Variants in DCK observed in about 807,000 individuals in gnomAD.
DCK encodes deoxycytidine kinase.
Under a neutral mutation model 38.3 loss-of-function variants are expected in DCK, and 23 were observed. That is an observed-to-expected ratio of 0.60 (90% CI 0.43 to 0.85). The LOEUF (loss-of-function observed/expected upper bound fraction) is 0.85. Ranked by LOEUF, DCK falls within the 40% of genes least tolerant of loss-of-function variation. The probability of loss-of-function intolerance (pLI) is 0.00; values close to 1 mark genes in which losing one functional copy is unlikely to be tolerated. For synonymous variants in DCK, 108 were observed against 100.6 expected, an observed-to-expected ratio of 1.07 and a Z score of -0.44; for missense variants, 259 against 304.4, an observed-to-expected ratio of 0.85 and a Z score of 1.11.
At chr4:71,009,058 T>C (rs1047585640) in intron 2 of DCK, among the ~76,000 whole-genome samples, 1 of 152,180 alleles carries the variant, frequency 6.6e-6, no homozygotes, top group African/African-American at 2.4e-5. Context: ...TATAGCAAGG[T>C]AGAATGGAAA....
At chr4:71,018,321 G>T (rs1178274884) in intron 2 of DCK, among the ~76,000 whole-genome samples, 3 of 151,720 alleles carry the variant, frequency 2.0e-5, no homozygotes, top group Non-Finnish European at 4.4e-5. Context: ...GTAGAGACAG[G>T]GTTTCACCGT....
chr4:71,006,899 T>G (rs541903340), intron 2 of DCK, among the ~76,000 whole-genome samples: 15 of 151,866 alleles, frequency 9.9e-5, no homozygotes, highest in Non-Finnish European at 1.9e-4. Context: ...TACAGAAAAT[T>G]GAAAAAAAAG....
chr4:71,003,327 C>T (rs1018415911), intron 2 of DCK, among the ~76,000 whole-genome samples: 4 of 152,198 alleles, frequency 2.6e-5, no homozygotes, highest in Non-Finnish European at 5.9e-5. Flanking sequence ...GAGAGATCTG[C>T]TGTTAGTCTG....
intron 3 of DCK, 31 bp from the exon 4 acceptor site, chr4:71,023,528 G>T: frequency 1.5e-6 from 2 of 1,323,444 alleles, no homozygotes; most frequent in Non-Finnish European, 2.1e-6. Flanking sequence ...TTTTTGAAAT[G>T]ATACATGTGT....
At chr4:71,019,467 A>G (rs1456915425) in intron 2 of DCK, among the ~76,000 whole-genome samples, 1 of 152,168 alleles carries the variant, frequency 6.6e-6, no homozygotes, top group Non-Finnish European at 1.5e-5. Context: ...AAGCATATTT[A>G]GGTCATTATG....
At chr4:71,013,827 G>A (rs6841923) in intron 2 of DCK, among the ~76,000 whole-genome samples, 122,869 of 152,146 alleles carry the variant, frequency 0.81, 54,268 homozygotes, top group Non-Finnish European at 0.97. Flanking sequence ...AAAGACCATC[G>A]AGGCTAGGAG....
At chr4:71,003,148 C>A (rs984404086) in intron 2 of DCK, among the ~76,000 whole-genome samples, 2 of 152,080 alleles carry the variant, frequency 1.3e-5, no homozygotes, top group Admixed American at 1.3e-4. Flanking sequence ...GTAAGGCAGG[C>A]CTTGTGGTGA....
Position 71,029,417 on chromosome 4 carries a change from A to ACACAAAG in DCK, c.*40_*41insACAAAGC. On this transcript the variant is annotated 3_prime_UTR_variant, in exon 7 of 7. Coordinates refer to ENST00000286648, the MANE Select transcript of DCK (RefSeq NM_000788.3). The stretch of plus-strand genomic sequence containing the variant: ...TACAGGCAGCCAAATGGTTCCAGAT[A>ACACAAAG]CTTCAGCTTTGTGTATCTTCGTAAC... 1 of 1,526,590 alleles carries ACACAAAG rather than the reference A, an allele frequency of 6.6e-7. No homozygotes were observed. Among genetic ancestry groups the ACACAAAG allele is most frequent in the South Asian group, 1.1e-5 (1 of 88,154 alleles). 94.6% of individuals were successfully genotyped at this position (1,526,590 alleles called of 1,614,324 possible).
intron 2 of DCK, among the ~76,000 whole-genome samples, chr4:71,013,631 A>G (rs1277077372): frequency 6.6e-6 from 1 of 152,202 alleles, no homozygotes; most frequent in Non-Finnish European, 1.5e-5. Flanking sequence ...ACGAATTTGC[A>G]ACCCAGAATA....
intron 5 of DCK, 51 bp downstream of exon 5, chr4:71,025,982 GTTAAATT>G: frequency 7.6e-6 from 11 of 1,451,606 alleles, no homozygotes; most frequent in Non-Finnish European, 1.0e-5. Flanking sequence ...TGTTACCTTT[GTTAAATT>G]TTAATCTAAA....
chr4:71,025,752 A>T, intron 4 of DCK, 64 bp from the exon 5 acceptor site: 1 of 1,488,796 alleles, frequency 6.7e-7, no homozygotes, highest in African/African-American at 1.4e-5. Context: ...GAAAATTTTG[A>T]TGGCAGCAGA....
At chr4:71,014,557 A>G (rs1018129552) in intron 2 of DCK, among the ~76,000 whole-genome samples, 1 of 149,700 alleles carries the variant, frequency 6.7e-6, no homozygotes, top group African/African-American at 2.4e-5. Flanking sequence ...AACAGAAATT[A>G]TAAAAAACTG....
At chr4:71,011,083 C>T (rs923874875) in intron 2 of DCK, among the ~76,000 whole-genome samples, 2 of 151,944 alleles carry the variant, frequency 1.3e-5, no homozygotes, top group African/African-American at 4.8e-5. Context: ...GCTGGGATTA[C>T]AGGCATGTGC....
chr4:71,028,455 A>T (rs991399559), intron 6 of DCK, among the ~76,000 whole-genome samples: 2 of 152,234 alleles, frequency 1.3e-5, no homozygotes, highest in African/African-American at 2.4e-5. Flanking sequence ...CTAGCCAGAC[A>T]TGATGGTGTG....
intron 2 of DCK, among the ~76,000 whole-genome samples, chr4:71,004,280 C>T (rs925425416): frequency 6.6e-6 from 1 of 152,220 alleles, no homozygotes; most frequent in Non-Finnish European, 1.5e-5. Context: ...TGGGTATCAC[C>T]AGCGGAGGCT....
Position 70,993,714 on chromosome 4 carries a change from C to T in DCK, c.-122C>T, listed in dbSNP as rs1739591459. ...ACACCCGCCGGCGGGCCGGTGAGCT[C>T]ACTAGCTGACCCGGCAGGTCAGGAT... On this transcript the variant is annotated 5_prime_UTR_variant, in exon 1 of 7. Coordinates refer to ENST00000286648, the MANE Select transcript of DCK (RefSeq NM_000788.3). The T allele has an allele frequency of 1.5e-6, 1 of 654,992 alleles. No individual in the cohort carries two copies. The highest frequency in any genetic ancestry group is 1.9e-5 in the African/African-American group (1 of 53,956). The allele number at this position is 654,992 out of a possible 1,614,324, so 40.6% of individuals were successfully genotyped here.
intron 2 of DCK, 21 bp from the exon 3 acceptor site, chr4:71,022,346 C>T: frequency 6.9e-7 from 1 of 1,442,636 alleles, no homozygotes. Flanking sequence ...CTTTTTATTT[C>T]TTTTTGCACA....
chr4:71,019,554 C>T (rs1344186525), intron 2 of DCK, among the ~76,000 whole-genome samples: 1 of 152,038 alleles, frequency 6.6e-6, no homozygotes, highest in Non-Finnish European at 1.5e-5. Flanking sequence ...TTTGAAGAAC[C>T]TCTATCTTAG....
intron 2 of DCK, among the ~76,000 whole-genome samples, chr4:71,003,382 G>A (rs1025304324): frequency 6.6e-6 from 1 of 152,064 alleles, no homozygotes; most frequent in Non-Finnish European, 1.5e-5. Flanking sequence ...CTCTGGCTGC[G>A]CTTAACATTT....
Sources: gnomAD v4.1 joint callset for allele counts (sites outside exome capture counted in the v4.1 genomes callset) on GRCh38, gnomAD v4.1.1 for gene constraint, MANE v1.5 for transcripts, NCBI Gene and HGNC (gene_info 2026-07-23, HGNC 2026-07-21) for gene names.